The following CAMK1G variants were observed in gnomAD, a reference collection of about 807,000 sequenced individuals.
CAMK1G encodes the protein calcium/calmodulin-dependent protein kinase type 1G.
CAMK1G carries 27 observed loss-of-function variants against 54.8 expected under a neutral mutation model. The observed-to-expected ratio is 0.49, with a 90% CI of 0.36 to 0.68. The LOEUF is 0.68. Ranked by LOEUF, CAMK1G falls within the 30% of genes least tolerant of loss-of-function variation. The probability of loss-of-function intolerance (pLI) is 0.00; values close to 1 mark genes in which losing one functional copy is unlikely to be tolerated. For synonymous variants in CAMK1G, 238 were observed against 224.9 expected (o/e 1.06, Z -0.52); for missense variants, 512 against 591.0 (o/e 0.87, Z 1.39).
At chr1:209,584,706 T>C (rs989570240) in intron 1 of CAMK1G, among the ~76,000 whole-genome samples, 1 of 152,132 alleles carries the variant, frequency 6.6e-6, no homozygotes, top group African/African-American at 2.4e-5. Context: ...AAATTGATCA[T>C]GAGGAAAGCC....
At position 209,609,850 on chromosome 1, in the gene CAMK1G, GC is replaced by G; in HGVS notation, c.750del (p.Lys251ArgfsTer22). 2 of 1,614,094 alleles carry G rather than the reference GC, an allele frequency of 1.2e-6. No homozygotes were observed. The highest frequency in any genetic ancestry group is 1.7e-6 in the Non-Finnish European group (2 of 1,180,002). On this transcript the variant is annotated frameshift_variant and splice_region_variant, in exon 9 of 13. Transcript: ENST00000361322. LOFTEE classifies it high-confidence loss of function. Reference protein sequence around the residue: ...SPFWDDISESAKDFICHLLEK... With the variant: ...SPFWDDISESXKDFICHLLEK... ...GTCGTGTCTTTGATTACTCCCCTTA[GC>G]CAAGGACTTTATTTGCCACTTGCTT...
At chr1:209,612,946 G>GAAAC in intron 12 of CAMK1G, 34 bp downstream of exon 12, 2 of 1,141,338 alleles carry the variant, frequency 1.8e-6, no homozygotes, top group South Asian at 1.2e-5. Flanking sequence ...CTTGGGGAGA[G>GAAAC]TTTCTGTCCC....
At position 209,612,117 on chromosome 1, in the gene CAMK1G, G is replaced by A; in HGVS notation, c.1241G>A (p.Gly414Glu). ...VPMHQGSLAA[G>E]PCGCCSSCLN... The stretch of plus-strand genomic sequence containing the variant: ...ATGCATCAGGGGTCCCTGGCCGCCG[G>A]GCCCTGTGGCTGCTGCTCCAGCTGC... Residue 414 changes from glycine to glutamate, a missense_variant, in exon 11 of 13, where the codon GGG becomes GAG. By Grantham distance (98) the Gly-to-Glu change is moderately conservative. Around this residue, in one of 3 missense-constraint regions of CAMK1G, gnomAD observed 315 missense variants for 330.5 expected, o/e 0.95. Coordinates refer to ENST00000361322, the MANE Select transcript of CAMK1G (RefSeq NM_020439.3). The A allele has an allele frequency of 6.2e-7, 1 of 1,614,180 alleles. No homozygotes were observed. The highest frequency in any genetic ancestry group is 8.5e-7 in the Non-Finnish European group (1 of 1,179,988).
chr1:209,605,145 C>T (rs1665617805), intron 4 of CAMK1G, among the ~76,000 whole-genome samples: 1 of 152,140 alleles, frequency 6.6e-6, no homozygotes, highest in Non-Finnish European at 1.5e-5. Context: ...CTTCTCTTTC[C>T]TACTTTGCTT....
chr1:209,611,773 T>C lies in CAMK1G; in HGVS notation c.916-19T>C, dbSNP rs1665785504. On this transcript the variant is annotated intron_variant, in intron 10 of 12. Coordinates refer to ENST00000361322, the MANE Select transcript of CAMK1G (RefSeq NM_020439.3). ...TCTGAGGTTGCAGAAGGCCAGAGGC[T>C]GCTCTTGTGTCTCCTTAGCAAGCCT... 2 of 1,609,596 alleles carry C rather than the reference T, an allele frequency of 1.2e-6. No homozygotes were observed. The highest frequency in any genetic ancestry group is 1.7e-5 in the Admixed American group (1 of 59,754).
intron 9 of CAMK1G, 67 bp from the exon 10 acceptor site, chr1:209,611,398 C>T (rs1665777504): frequency 6.9e-7 from 1 of 1,459,484 alleles, no homozygotes; most frequent in Non-Finnish European, 9.6e-7. Flanking sequence ...CTGCAGGCAC[C>T]CTGCCCACTC....
In CAMK1G at chr1:209,606,323, G is replaced by A. The variant is rs147371769; in HGVS notation, c.439G>A (p.Glu147Lys). The A allele has an allele frequency of 5.6e-6, 9 of 1,613,602 alleles. No homozygotes were observed. Among genetic ancestry groups the A allele is most frequent in the East Asian group, 4.5e-5 (2 of 44,878 alleles). Reference protein sequence around the residue: ...NGIVHRDLKPENLLYLTPEEN... With the variant: ...NGIVHRDLKPKNLLYLTPEEN... ...CTACATATTTTTTCTCCTACAGCCCGAAAACCTGCTTTACCTTACCCCTGA... is the reference window on the plus strand; with the variant it reads ...CTACATATTTTTTCTCCTACAGCCCAAAAACCTGCTTTACCTTACCCCTGA... Residue 147 changes from glutamate to lysine, a missense_variant, in exon 6 of 13, where the codon GAA becomes AAA. Glu to Lys is a moderately conservative substitution (Grantham distance 56, BLOSUM62 1). This residue lies in a region of CAMK1G where 186 missense variants were observed against 231.5 expected (regional missense o/e 0.80). Transcript: ENST00000361322.
intron 2 of CAMK1G, 31 bp from the exon 3 acceptor site, chr1:209,599,952 T>C: frequency 1.2e-6 from 2 of 1,610,622 alleles, no homozygotes; most frequent in Admixed American, 3.3e-5. Flanking sequence ...TGCCCCCTAC[T>C]AAGTTTTATC....
At chr1:209,592,357 A>C (rs1031244953) in intron 1 of CAMK1G, among the ~76,000 whole-genome samples, 1 of 148,244 alleles carries the variant, frequency 6.7e-6, no homozygotes, top group African/African-American at 2.5e-5. Context: ...AAAAAAAAAA[A>C]AAAAAAACTC....
At chr1:209,587,390 G>A (rs919335812) in intron 1 of CAMK1G, among the ~76,000 whole-genome samples, 3 of 152,038 alleles carry the variant, frequency 2.0e-5, no homozygotes, top group East Asian at 1.9e-4. Flanking sequence ...CTAGATCCCC[G>A]GCACACTAAT....
At position 209,611,824 on chromosome 1, in the gene CAMK1G, C is replaced by T. The variant is rs1490724459; in HGVS notation, c.948C>T (p.His316=). Residue 316 remains histidine, a synonymous_variant, in exon 11 of 13, where the codon CAC becomes CAT. Coordinates refer to ENST00000361322, the MANE Select transcript of CAMK1G (RefSeq NM_020439.3). The part of the protein sequence containing the change: ...QAFNAAAVVH[H]MRKLHMNLHS... ...TCAACGCAGCAGCTGTGGTGCACCA[C>T]ATGAGGAAGCTACACATGAACCTGC... 22 of 1,614,030 alleles carry T rather than the reference C, an allele frequency of 1.4e-5. No individual in the cohort carries two copies. The highest frequency in any genetic ancestry group is 1.6e-4 in the Middle Eastern group (1 of 6,084).
rs146409822 is a variant in CAMK1G, at chr1:209,609,574, T to C, written c.749-277T>C. Among the ~76,000 whole-genome samples the C allele has an allele frequency of 8.6e-4, 131 of 152,356 alleles. No homozygotes were observed. In the Middle Eastern group the frequency reaches 0.01, roughly 12 times the overall value. ...TGGCCCCTGTTTCAGTGCAAACACA[T>C]GCACATGTGATGTGCAGGCACATGG... On this transcript the variant is annotated intron_variant, in intron 8 of 12. Coordinates refer to ENST00000361322, the MANE Select transcript of CAMK1G (RefSeq NM_020439.3).
rs907909674 is a variant in CAMK1G at position 209,612,854 on chromosome 1, T to G, written c.1410T>G (p.Thr470=). The G allele has an allele frequency of 6.2e-7, 1 of 1,612,804 alleles. No individual in the cohort carries two copies. The highest frequency in any genetic ancestry group is 8.5e-7 in the Non-Finnish European group (1 of 1,178,980). Residue 470 remains threonine (T), a synonymous_variant, in exon 12 of 13, where the codon ACT becomes ACG. Coordinates refer to ENST00000361322, the MANE Select transcript of CAMK1G (RefSeq NM_020439.3). ...GCTCCCACTGCCGGGCAGGGCAGACTGGAGTCTGTCTCATTATGTGATTCC... is the reference window on the plus strand; with the variant it reads ...GCTCCCACTGCCGGGCAGGGCAGACGGGAGTCTGTCTCATTATGTGATTCC... ...SGSSHCRAGQ[T]GVCLIM is the part of the protein sequence containing the mutation.
intron 1 of CAMK1G, among the ~76,000 whole-genome samples, chr1:209,584,331 TCAG>T (rs1272677977): frequency 3.3e-5 from 5 of 152,050 alleles, no homozygotes; most frequent in Non-Finnish European, 5.9e-5. Flanking sequence ...GGAAGACGAG[TCAG>T]CCTCAGTCCC....
In CAMK1G at chr1:209,606,444, G is replaced by A. The variant is rs868513059; in HGVS notation, c.559+1G>A. The A allele has an allele frequency of 6.2e-7, 1 of 1,613,632 alleles. No homozygotes were observed. Among genetic ancestry groups the A allele is most frequent in the Non-Finnish European group, 8.5e-7 (1 of 1,179,738 alleles). On this transcript the variant is annotated splice_donor_variant, in intron 6 of 12. Coordinates refer to ENST00000361322, the MANE Select transcript of CAMK1G (RefSeq NM_020439.3). LOFTEE classifies it high-confidence loss of function. ...GCCTGTGGGACCCCAGGCTACGTGG[G>A]TAAGTCTGGGAGCAGGAGGAAGGTT...
intron 1 of CAMK1G, among the ~76,000 whole-genome samples, chr1:209,590,875 G>A (rs1665229223): frequency 6.6e-6 from 1 of 152,142 alleles, no homozygotes; most frequent in Non-Finnish European, 1.5e-5. Context: ...GTCCCCTGGA[G>A]ACTGGGTCAG....
chr1:209,584,802 G>T (rs539038882), intron 1 of CAMK1G, among the ~76,000 whole-genome samples: 1 of 152,176 alleles, frequency 6.6e-6, no homozygotes, highest in African/African-American at 2.4e-5. Flanking sequence ...GACAGAACAA[G>T]GTCCCTGTCA....
chr1:209,587,383 G>T (rs140924133), intron 1 of CAMK1G, among the ~76,000 whole-genome samples: 8 of 152,204 alleles, frequency 5.3e-5, no homozygotes, highest in African/African-American at 1.9e-4. Flanking sequence ...AGAAACCCTA[G>T]ATCCCCGGCA....
At position 209,603,110 on chromosome 1, in the gene CAMK1G, A is replaced by G. The variant is rs1217810892; in HGVS notation, c.222-104A>G. 5 of 963,192 alleles carry G rather than the reference A, an allele frequency of 5.2e-6. No homozygotes were observed. In the East Asian group the frequency reaches 1.3e-4, roughly 25 times the overall value. The allele number at this position is 963,192 out of a possible 1,614,324, so 59.7% of individuals were successfully genotyped here. A position where few individuals can be genotyped will look rare whatever the true frequency, so the allele number is the denominator to read the frequency against. ...TCACAGAGACCTAGTCTTCCTAAAC[A>G]TTGCCATCAAAAGCCTCCAACAGAA... On this transcript the variant is annotated intron_variant, in intron 3 of 12. Transcript: ENST00000361322.
Sources: allele counts gnomAD v4.1 joint callset (sites outside exome capture counted in the v4.1 genomes callset), GRCh38; gene constraint gnomAD v4.1.1; regional missense constraint gnomAD v4.1.1; transcripts MANE v1.5; gene names NCBI Gene and HGNC (gene_info 2026-07-23, HGNC 2026-07-21).